DYSF: variants seen among roughly 807,000 people sequenced by gnomAD.
The protein encoded by DYSF is dysferlin.
In DYSF, 212 loss-of-function variants were observed where a neutral mutation model predicts 274.9. That is an observed-to-expected ratio of 0.77 (90% CI 0.69 to 0.86). DYSF has a LOEUF of 0.86. Ranked by LOEUF, DYSF falls within the 40% of genes least tolerant of loss-of-function variation. The probability of loss-of-function intolerance (pLI) is 0.00; values close to 1 mark genes in which losing one functional copy is unlikely to be tolerated. For synonymous variants in DYSF, 1,091 were observed against 1,078.7 expected (o/e 1.01, Z -0.22); for missense variants, 2,666 against 2,783.2 (o/e 0.96, Z 0.95).
intron 1 of DYSF, among the ~76,000 whole-genome samples, chr2:71,454,443 T>C (rs1038450967): frequency 6.6e-6 from 1 of 152,110 alleles, no homozygotes; most frequent in Non-Finnish European, 1.5e-5. Context: ...CTCTCCTCCT[T>C]CTCCCCTGAA....
chr2:71,516,264 G>A (rs2086640576), intron 9 of DYSF, 22 bp downstream of exon 9: 1 of 1,612,238 alleles, frequency 6.2e-7, no homozygotes, highest in South Asian at 1.1e-5. Context: ...CAGTCAAAGT[G>A]TTCTCCGTGG....
chr2:71,470,488 T>C (rs1428313711), intron 1 of DYSF, among the ~76,000 whole-genome samples: 2 of 151,762 alleles, frequency 1.3e-5, no homozygotes, highest in Non-Finnish European at 2.9e-5. Context: ...CTGGCTAACA[T>C]GGTGAAACCC....
chr2:71,576,137 T>C (rs1419427269), intron 30 of DYSF: 3 of 152,450 alleles, frequency 2.0e-5, no homozygotes, highest in African/African-American at 7.2e-5. Flanking sequence ...GGGTGAGGGA[T>C]GGAGCGTTCT....
At position 71,620,595 on chromosome 2, in the gene DYSF, C is replaced by T; in HGVS notation, c.4513C>T (p.Pro1505Ser). Residue 1505 changes from proline to serine, a missense_variant, in exon 41 of 56, where the codon CCA becomes TCA. By Grantham distance (74) the Pro-to-Ser change is moderately conservative (BLOSUM62 -1). Transcript: ENST00000410020. ...GGCCCCCACTAACACGGCTTCTCCTCCATCCAGTCCTCATGTATGTACTGT... is the reference window on the plus strand; with the variant it reads ...GGCCCCCACTAACACGGCTTCTCCTTCATCCAGTCCTCATGTATGTACTGT... Reference protein sequence around the residue: ...SLAPTNTASPPSSPHEEEFID... With the variant: ...SLAPTNTASPSSSPHEEEFID... The T allele has an allele frequency of 1.3e-6, 2 of 1,551,652 alleles. No individual in the cohort carries two copies. Among genetic ancestry groups the T allele is most frequent in the Non-Finnish European group, 1.7e-6 (2 of 1,146,990 alleles).
intron 30 of DYSF, among the ~76,000 whole-genome samples, chr2:71,574,600 C>G (rs1207152432): frequency 6.6e-6 from 1 of 152,210 alleles, no homozygotes; most frequent in Admixed American, 6.5e-5. Context: ...GAAACACTTG[C>G]TGCTACTACT....
At chr2:71,535,980 G>A (rs1254211202) in intron 16 of DYSF, among the ~76,000 whole-genome samples, 1 of 152,202 alleles carries the variant, frequency 6.6e-6, no homozygotes, top group African/African-American at 2.4e-5. Context: ...AAGACTGAGT[G>A]ACCTGCCCGA....
chr2:71,661,062 A>G (rs2094870596), intron 45 of DYSF, among the ~76,000 whole-genome samples: 1 of 147,254 alleles, frequency 6.8e-6, no homozygotes, highest in Non-Finnish European at 1.5e-5. Context: ...GCTTACAGTG[A>G]TCTGTGATCA....
chr2:71,501,530 C>G (rs542325766), intron 3 of DYSF, among the ~76,000 whole-genome samples: 20 of 152,310 alleles, frequency 1.3e-4, no homozygotes, highest in African/African-American at 4.3e-4. Flanking sequence ...CCAAAATGTT[C>G]TCATCTTCTA....
Position 71,511,765 on chromosome 2 carries a change from G to T in DYSF, c.346-42G>T, listed in dbSNP as rs72898895. The stretch of plus-strand genomic sequence containing the variant: ...AAGATACTGGAGGGCAGTGGTCCGA[G>T]GCCAGCGCACCAACCTGTCCCCCAC... On this transcript the variant is annotated intron_variant, in intron 4 of 55. Coordinates refer to ENST00000410020, the MANE Select transcript of DYSF (RefSeq NM_001130987.2). 15 of 1,230,908 alleles carry T rather than the reference G, an allele frequency of 1.2e-5. No homozygotes were observed. In the African/African-American group the frequency reaches 1.9e-4, roughly 16 times the overall value. 76.2% of individuals were successfully genotyped at this position (1,230,908 alleles called of 1,614,324 possible).
At chr2:71,457,648 T>C (rs1000307925) in intron 1 of DYSF, among the ~76,000 whole-genome samples, 4 of 152,176 alleles carry the variant, frequency 2.6e-5, no homozygotes, top group Non-Finnish European at 5.9e-5. Context: ...GCAGATGCTT[T>C]CTTATCTCAG....
At chr2:71,618,398 TGTGTGGTAGAGGTG>T (rs1316351062) in intron 40 of DYSF, among the ~76,000 whole-genome samples, 11 of 95,932 alleles carry the variant, frequency 1.1e-4, no homozygotes, top group East Asian at 3.2e-4. Flanking sequence ...GGTGTGTGTG[TGTGTGGTAGAGGTG>T]GTGTGTGTGT....
rs142884958 is a variant in DYSF at position 71,618,349 on chromosome 2, G to GT, written c.4465-2198_4465-2197insT. Reference sequence around the variant, plus strand: ...GAGATGGGGTGTGTGTGTGGTAGAGGGGTGTGTGTGTGGTAGAGGTGGCAT... The same window carrying GT: ...GAGATGGGGTGTGTGTGTGGTAGAGGTGGTGTGTGTGTGGTAGAGGTGGCAT... On this transcript the variant is annotated intron_variant, in intron 40 of 55. Coordinates refer to ENST00000410020, the MANE Select transcript of DYSF (RefSeq NM_001130987.2). Among the ~76,000 whole-genome samples the GT allele has an allele frequency of 4.9e-3, 33 of 6,760 alleles. 1 individual carries two copies. Among genetic ancestry groups the GT allele is most frequent in the Admixed American group, 8.2e-3 (4 of 486 alleles). 4.4% of individuals were successfully genotyped at this position (6,760 alleles called of 152,430 possible). A position where few individuals can be genotyped will look rare whatever the true frequency, so the allele number is the denominator to read the frequency against.
intron 3 of DYSF, among the ~76,000 whole-genome samples, chr2:71,500,145 C>T (rs1032616258): frequency 6.6e-6 from 1 of 152,188 alleles, no homozygotes; most frequent in Non-Finnish European, 1.5e-5. Context: ...ACATCTCCTC[C>T]ATCCCTGTGA....
In DYSF at chr2:71,611,508, CCAA is replaced by C; in HGVS notation, c.4106_4108del (p.Asn1369del). On this transcript the variant is annotated inframe_deletion, in exon 38 of 56. Coordinates refer to ENST00000410020, the MANE Select transcript of DYSF (RefSeq NM_001130987.2). The stretch of plus-strand genomic sequence containing the variant: ...CGGAACATGAAGAGTTACCAGCTGG[CCAA>C]CATCTCCTCCCCCAGCCTCGTGGTA... 2 of 1,614,040 alleles carry C rather than the reference CCAA, an allele frequency of 1.2e-6. No individual in the cohort carries two copies. Among genetic ancestry groups the C allele is most frequent in the Non-Finnish European group, 1.7e-6 (2 of 1,180,042 alleles).
intron 3 of DYSF, among the ~76,000 whole-genome samples, chr2:71,494,175 A>C (rs1362199433): frequency 6.6e-6 from 1 of 152,142 alleles, no homozygotes; most frequent in African/African-American, 2.4e-5. Flanking sequence ...GGGTTTTCTT[A>C]ACATTAGCGA....
chr2:71,654,406 T>A (rs1250141219), intron 42 of DYSF, among the ~76,000 whole-genome samples: 1 of 152,182 alleles, frequency 6.6e-6, no homozygotes, highest in Non-Finnish European at 1.5e-5. Flanking sequence ...TGGGAGCTTA[T>A]AATAAAGATG....
chr2:71,530,958 T>TTG (rs1460352609), intron 14 of DYSF, among the ~76,000 whole-genome samples: 1 of 152,060 alleles, frequency 6.6e-6, no homozygotes, highest in African/African-American at 2.4e-5. Flanking sequence ...CATACTTGAT[T>TTG]TGGCCAAGTT....
chr2:71,501,347 T>C (rs527427381), intron 3 of DYSF, among the ~76,000 whole-genome samples: 16 of 152,288 alleles, frequency 1.1e-4, no homozygotes, highest in Non-Finnish European at 1.8e-4. Flanking sequence ...TCAAGAAGGA[T>C]GGAAAAAGAG....
At chr2:71,493,711 G>T (rs149223127) in intron 3 of DYSF, among the ~76,000 whole-genome samples, 9 of 151,954 alleles carry the variant, frequency 5.9e-5, no homozygotes, top group African/African-American at 2.2e-4. Context: ...AATTAGCCAG[G>T]CATGATGGCA....
Sources: gnomAD v4.1 joint callset for allele counts (sites outside exome capture counted in the v4.1 genomes callset) on GRCh38, gnomAD v4.1.1 for gene constraint, MANE v1.5 for transcripts, NCBI Gene and HGNC (gene_info 2026-07-23, HGNC 2026-07-21) for gene names.